SCFD2: variants seen among roughly 807,000 people sequenced by gnomAD.
SCFD2 encodes the protein sec1 family domain-containing protein 2.
A neutral mutation model predicts 58.9 loss-of-function variants in SCFD2; 54 were observed. The ratio of observed to expected loss-of-function variants is 0.92; its 90% CI spans 0.74 to 1.15. The LOEUF (loss-of-function observed/expected upper bound fraction) is 1.15, where lower values mean the gene tolerates loss of function less well. Ranked by LOEUF, SCFD2 falls within the 50% of genes most tolerant of loss-of-function variation. SCFD2 has a pLI of 0.00. For missense variants in SCFD2, 805 were observed against 836.6 expected (o/e 0.96, Z 0.47); for synonymous variants, 321 against 335.9 (o/e 0.96, Z 0.49).
intron 5 of SCFD2, among the ~76,000 whole-genome samples, chr4:53,011,312 C>T (rs1722089049): frequency 6.6e-6 from 1 of 152,120 alleles, no homozygotes; most frequent in South Asian, 2.1e-4. Context: ...TAAATAGCTC[C>T]AGCCTTCCAC....
intron 5 of SCFD2, among the ~76,000 whole-genome samples, chr4:52,978,186 T>C (rs1721295279): frequency 6.6e-6 from 1 of 152,036 alleles, no homozygotes; most frequent in African/African-American, 2.4e-5. Flanking sequence ...TCATCATAAG[T>C]GAGGAAGATA....
intron 2 of SCFD2, among the ~76,000 whole-genome samples, chr4:53,346,975 A>G (rs1025922792): frequency 4.6e-5 from 7 of 152,202 alleles, no homozygotes; most frequent in Non-Finnish European, 1.0e-4. Flanking sequence ...TCAAACTGAT[A>G]TTTGTAGTAA....
chr4:53,013,255 T>C (rs1320787991), intron 5 of SCFD2, among the ~76,000 whole-genome samples: 1 of 152,252 alleles, frequency 6.6e-6, no homozygotes, highest in East Asian at 1.9e-4. Flanking sequence ...ATGACATTTA[T>C]CAAGTACTGG....
intron 2 of SCFD2, among the ~76,000 whole-genome samples, chr4:53,334,122 G>A (rs549279034): frequency 1.3e-5 from 2 of 152,188 alleles, no homozygotes; most frequent in East Asian, 3.9e-4. Context: ...AGAGGATGTG[G>A]AGAAATAGGA....
chr4:53,127,790 C>T (rs1725670909), intron 5 of SCFD2, among the ~76,000 whole-genome samples: 1 of 152,020 alleles, frequency 6.6e-6, no homozygotes, highest in African/African-American at 2.4e-5. Context: ...AAGAAACTGG[C>T]CATGGAAAAA....
At chr4:53,274,457 T>G (rs371527263) in intron 3 of SCFD2, among the ~76,000 whole-genome samples, 2 of 152,096 alleles carry the variant, frequency 1.3e-5, no homozygotes, top group African/African-American at 4.8e-5. Context: ...CATCTAAAAC[T>G]TTACCATTGA....
At chr4:53,193,614 A>C (rs1362846637) in intron 4 of SCFD2, among the ~76,000 whole-genome samples, 1 of 152,144 alleles carries the variant, frequency 6.6e-6, no homozygotes, top group Admixed American at 6.6e-5. Context: ...CTTACCAACA[A>C]AGGGAACTTT....
chr4:53,025,125 G>C (rs1577667774), intron 5 of SCFD2, among the ~76,000 whole-genome samples: 1 of 152,094 alleles, frequency 6.6e-6, no homozygotes, highest in East Asian at 1.9e-4. Flanking sequence ...ACAGAAGAAG[G>C]GGGTAAGAAA....
intron 4 of SCFD2, among the ~76,000 whole-genome samples, chr4:53,198,778 C>A (rs1180862805): frequency 3.9e-5 from 6 of 151,930 alleles, no homozygotes; most frequent in Non-Finnish European, 2.9e-5. Flanking sequence ...CTTTATCACC[C>A]AGGTTTTCTC....
intron 5 of SCFD2, among the ~76,000 whole-genome samples, chr4:53,046,801 G>T (rs1223451612): frequency 1.3e-5 from 2 of 152,110 alleles, no homozygotes; most frequent in Non-Finnish European, 2.9e-5. Context: ...CCAAGTAGCT[G>T]GGATTACAGG....
chr4:53,100,945 T>C (rs1016951480), intron 5 of SCFD2, among the ~76,000 whole-genome samples: 3 of 152,150 alleles, frequency 2.0e-5, no homozygotes, highest in African/African-American at 7.2e-5. Flanking sequence ...TGTTTTCGAA[T>C]GAATCATGCA....
chr4:53,103,217 A>G (rs750257594), intron 5 of SCFD2, among the ~76,000 whole-genome samples: 30 of 152,210 alleles, frequency 2.0e-4, no homozygotes, highest in Non-Finnish European at 3.4e-4. Context: ...ACATAACTGA[A>G]GGGAGATGAT....
chr4:53,338,186 C>T (rs542395477), intron 2 of SCFD2, among the ~76,000 whole-genome samples: 36 of 152,162 alleles, frequency 2.4e-4, no homozygotes, highest in African/African-American at 7.5e-4. Context: ...AATAATAATA[C>T]ATTTGTATTG....
chr4:53,066,013 G>A (rs17082370), intron 5 of SCFD2, among the ~76,000 whole-genome samples: 2,262 of 152,150 alleles, frequency 0.015, 54 homozygotes, highest in African/African-American at 0.052. Context: ...CTTGTGGCAA[G>A]ACCAGAAAGA....
At position 53,010,788 on chromosome 4, in the gene SCFD2, G is replaced by A. The variant is rs180934585; in HGVS notation, c.1562-89918C>T. ...CCATTTTGGGGCCGGGCTGGGGGGC[G>A]CGGTCCAGCCTCTCCAACATATGTC... On this transcript the variant is annotated intron_variant, in intron 5 of 8. Transcript: ENST00000401642. 1.5e-3 allele frequency among the ~76,000 whole-genome samples: 225 copies of A among 152,238 alleles called. 3 individuals carry two copies. The highest frequency in any genetic ancestry group is 5.1e-3 in the African/African-American group (212 of 41,524).
At chr4:53,155,060 T>C (rs561988765) in intron 4 of SCFD2, among the ~76,000 whole-genome samples, 5 of 152,292 alleles carry the variant, frequency 3.3e-5, no homozygotes, top group Non-Finnish European at 7.3e-5. Flanking sequence ...TCCGTTGTTG[T>C]GTTAAGCCAC....
At chr4:52,889,691 C>T (rs922484956) in intron 7 of SCFD2, among the ~76,000 whole-genome samples, 2 of 152,176 alleles carry the variant, frequency 1.3e-5, no homozygotes, top group African/African-American at 4.8e-5. Context: ...TGTGCTGCTC[C>T]ATTAATTTTA....
intron 5 of SCFD2, among the ~76,000 whole-genome samples, chr4:52,928,653 G>T (rs148173572): frequency 8.8e-4 from 134 of 152,208 alleles, no homozygotes; most frequent in African/African-American, 3.0e-3. Context: ...ATCCTGCTTG[G>T]TGTCTTGGAG....
chr4:53,155,039 A>C (rs931132562), intron 4 of SCFD2, among the ~76,000 whole-genome samples: 5 of 152,218 alleles, frequency 3.3e-5, no homozygotes, highest in African/African-American at 1.2e-4. Flanking sequence ...TCCGAACAGT[A>C]AGAGAACAAA....
Sources: allele counts gnomAD v4.1 joint callset (sites outside exome capture counted in the v4.1 genomes callset), GRCh38; gene constraint gnomAD v4.1.1; transcripts MANE v1.5; gene names NCBI Gene and HGNC (gene_info 2026-07-23, HGNC 2026-07-21).